Variants in MAPK4 observed in about 807,000 individuals in gnomAD.
MAPK4 encodes the protein mitogen-activated protein kinase 4.
Under a neutral mutation model 47.7 loss-of-function variants are expected in MAPK4, and 22 were observed. That is an observed-to-expected ratio of 0.46 (90% CI 0.33 to 0.66). The LOEUF (loss-of-function observed/expected upper bound fraction) is 0.66. Ranked by LOEUF, MAPK4 falls within the 30% of genes least tolerant of loss-of-function variation. The pLI, the probability that MAPK4 is intolerant of heterozygous loss-of-function variation, is 0.02. For missense variants in MAPK4, 736 were observed against 831.7 expected, an observed-to-expected ratio of 0.88 and a Z score of 1.42; for synonymous variants, 390 against 365.7, an observed-to-expected ratio of 1.07 and a Z score of -0.76.
intron 1 of MAPK4, among the ~76,000 whole-genome samples, chr18:50,653,682 G>T (rs188934026): frequency 7.2e-5 from 11 of 152,194 alleles, no homozygotes; most frequent in Admixed American, 7.2e-4. Context: ...TGTGCACCAC[G>T]CACTGTGCTG....
chr18:50,578,700 T>A (rs2042318423), intron 1 of MAPK4, among the ~76,000 whole-genome samples: 1 of 152,220 alleles, frequency 6.6e-6, no homozygotes, highest in South Asian at 2.1e-4. Flanking sequence ...TTTGCTGCTA[T>A]AAGGAAGAGG....
chr18:50,607,555 C>T (rs1010639553), intron 1 of MAPK4, among the ~76,000 whole-genome samples: 2 of 152,152 alleles, frequency 1.3e-5, no homozygotes, highest in Non-Finnish European at 2.9e-5. Flanking sequence ...TCCAGAAAAG[C>T]GCTGCTCTGA....
At chr18:50,700,405 C>T (rs1477040055) in intron 2 of MAPK4, among the ~76,000 whole-genome samples, 1 of 152,224 alleles carries the variant, frequency 6.6e-6, no homozygotes, top group African/African-American at 2.4e-5. Context: ...CATATAAATA[C>T]ACTGGAATAC....
At chr18:50,720,937 A>T (rs1161463851) in intron 3 of MAPK4, among the ~76,000 whole-genome samples, 1 of 152,180 alleles carries the variant, frequency 6.6e-6, no homozygotes, top group East Asian at 1.9e-4. Context: ...AGGCTGGATG[A>T]CTGGAAGACT....
chr18:50,569,542 G>A (rs2042232107), intron 1 of MAPK4, among the ~76,000 whole-genome samples: 1 of 152,166 alleles, frequency 6.6e-6, no homozygotes, highest in Non-Finnish European at 1.5e-5. Flanking sequence ...TACTTCTAGG[G>A]TCTATCAGAG....
At chr18:50,626,265 A>G (rs562110982) in intron 1 of MAPK4, among the ~76,000 whole-genome samples, 1 of 152,352 alleles carries the variant, frequency 6.6e-6, no homozygotes, top group African/African-American at 2.4e-5. Context: ...ACCGTGGTCA[A>G]CCAAGTTGAC....
intron 1 of MAPK4, among the ~76,000 whole-genome samples, chr18:50,607,671 T>C (rs2042593932): frequency 6.6e-6 from 1 of 152,174 alleles, no homozygotes; most frequent in Non-Finnish European, 1.5e-5. Context: ...TAGGAACCAC[T>C]CTCAGTCATG....
At chr18:50,571,325 C>T (rs2042248161) in intron 1 of MAPK4, among the ~76,000 whole-genome samples, 1 of 152,210 alleles carries the variant, frequency 6.6e-6, no homozygotes, top group Non-Finnish European at 1.5e-5. Flanking sequence ...AAGAACAAAT[C>T]TGTAACCCCA....
Position 50,722,087 on chromosome 18 carries a change from G to A in MAPK4, c.841G>A (p.Val281Met). 1.2e-6 allele frequency: 2 copies of A among 1,612,178 alleles called. No homozygotes were observed. The highest frequency in any genetic ancestry group is 1.7e-6 in the Non-Finnish European group (2 of 1,179,266). Residue 281 changes from valine to methionine, a missense_variant, in exon 4 of 6, where the codon GTG becomes ATG. By Grantham distance (21) the Val-to-Met change is conservative. This residue lies in a region of MAPK4 where 327 missense variants were observed against 395.4 expected (regional missense o/e 0.83). Transcript: ENST00000400384. Reference protein sequence around the residue: ...KRPLRKLLPEVNSEAIDFLEK... With the variant: ...KRPLRKLLPEMNSEAIDFLEK... ...GCCTCTGCGCAAGCTGCTCCCTGAA[G>A]TGAACAGTGAAGGTACCTGAGCCTG...
chr18:50,594,267 CTCAAATGTCA>C (rs1331465946), intron 1 of MAPK4, among the ~76,000 whole-genome samples: 2 of 152,192 alleles, frequency 1.3e-5, no homozygotes, highest in Non-Finnish European at 2.9e-5. Context: ...AGTGCACTGA[CTCAAATGTCA>C]GTCTCCTCTG....
At chr18:50,665,896 T>A (rs1235509413) in intron 2 of MAPK4, among the ~76,000 whole-genome samples, 1 of 151,908 alleles carries the variant, frequency 6.6e-6, no homozygotes, top group Non-Finnish European at 1.5e-5. Flanking sequence ...GGAGAAACAG[T>A]GCCCTTGTAT....
chr18:50,700,075 A>G (rs767366330), intron 2 of MAPK4, among the ~76,000 whole-genome samples: 12 of 151,920 alleles, frequency 7.9e-5, no homozygotes, highest in Non-Finnish European at 1.0e-4. Context: ...ACTGAACTCA[A>G]CCTCCAGCCC....
intron 1 of MAPK4, among the ~76,000 whole-genome samples, chr18:50,589,792 C>T (rs930084477): frequency 4.6e-5 from 7 of 152,198 alleles, no homozygotes; most frequent in Non-Finnish European, 1.5e-5. Context: ...TTTGTTAGCT[C>T]TTAATTGCGC....
intron 2 of MAPK4, among the ~76,000 whole-genome samples, chr18:50,712,012 A>T (rs1910393759): frequency 6.6e-6 from 1 of 152,118 alleles, no homozygotes; most frequent in Non-Finnish European, 1.5e-5. Context: ...AGACCTGGGA[A>T]TGGAGCTTCC....
chr18:50,725,876 C>A, intron 4 of MAPK4, 86 bp from the exon 5 acceptor site: 1 of 1,092,714 alleles, frequency 9.2e-7, no homozygotes, highest in Non-Finnish European at 1.4e-6. Context: ...CAGACACCAG[C>A]ACAGAATGTC....
intron 1 of MAPK4, among the ~76,000 whole-genome samples, chr18:50,596,904 T>C (rs2042486835): frequency 6.6e-6 from 1 of 152,238 alleles, no homozygotes; most frequent in Admixed American, 6.5e-5. Context: ...ACTGCACTCA[T>C]TACTGTTTCA....
At chr18:50,676,752 C>G (rs1024782308) in intron 2 of MAPK4, among the ~76,000 whole-genome samples, 1 of 152,096 alleles carries the variant, frequency 6.6e-6, no homozygotes, top group Non-Finnish European at 1.5e-5. Context: ...AATTGTTACA[C>G]GAGTATGTTC....
In MAPK4 at chr18:50,698,910, C is replaced by T. The variant is rs140381888; in HGVS notation, c.547-16169C>T. The stretch of plus-strand genomic sequence containing the variant: ...TATAGTGGTGCACACCTGTAATCCC[C>T]GCTATCTGGGAGGCTGAGGCAGGAG... On this transcript the variant is annotated intron_variant, in intron 2 of 5. Transcript: ENST00000400384. Among the ~76,000 whole-genome samples, 95 of 151,960 alleles carry T rather than the reference C, an allele frequency of 6.3e-4. No homozygotes were observed. The East Asian group carries it at 0.016, about 26-fold the overall frequency.
chr18:50,663,198 C>T lies in MAPK4; in HGVS notation c.-761C>T, dbSNP rs993639793. The T allele has an allele frequency of 8.5e-5, 13 of 152,272 alleles. No individual in the cohort carries two copies. The highest frequency in any genetic ancestry group is 7.9e-4 in the Admixed American group (12 of 15,278). 9.4% of individuals were successfully genotyped at this position (152,272 alleles called of 1,614,324 possible). A position where few individuals can be genotyped will look rare whatever the true frequency, so the allele number is the denominator to read the frequency against. ...ATGAGCTGGTGAAAGAGGATGCTGC[C>T]CACATCCAAAGGCTCCAGAGGATCC... On this transcript the variant is annotated 5_prime_UTR_variant, in exon 2 of 6. Transcript: ENST00000400384.
Sources: gnomAD v4.1 joint callset for allele counts (sites outside exome capture counted in the v4.1 genomes callset) on GRCh38, gnomAD v4.1.1 for gene constraint, gnomAD v4.1.1 regional missense constraint, MANE v1.5 for transcripts, NCBI Gene and HGNC (gene_info 2026-07-23, HGNC 2026-07-21) for gene names.